The following CENATAC variants were observed in gnomAD, a reference collection of about 807,000 sequenced individuals.
CENATAC encodes the protein coiled-coil domain containing 84.
A neutral mutation model predicts 53.7 loss-of-function variants in CENATAC; 53 were observed. The ratio of observed to expected loss-of-function variants is 0.99; its 90% confidence interval spans 0.79 to 1.24. The LOEUF (loss-of-function observed/expected upper bound fraction) is 1.24. CENATAC is among the 50% of genes most tolerant of loss of function. The probability of loss-of-function intolerance (pLI) is 0.00; values close to 1 mark genes in which losing one functional copy is unlikely to be tolerated. For missense variants in CENATAC, 474 were observed against 417.8 expected (o/e 1.13, Z -1.17); for synonymous variants, 156 against 144.6 (o/e 1.08, Z -0.57).
At position 119,003,104 on chromosome 11, in the gene CENATAC, T is replaced by C. The variant is rs1942394505; in HGVS notation, c.383+3995T>C. ...TTCTCTCCATCAGGCCGAATCAGGG[T>C]GTTGACCTTGGCCACATCAGTGTCA... is the stretch of plus-strand genomic sequence containing the variant. On this transcript the variant is annotated intron_variant, in intron 3 of 10. Coordinates refer to ENST00000334418, the MANE Select transcript of CENATAC (RefSeq NM_198489.3). 4 of 529,436 alleles carry C rather than the reference T, an allele frequency of 7.6e-6. No individual in the cohort carries two copies. In the Admixed American group the frequency reaches 7.7e-5, roughly 10 times the overall value. The allele number at this position is 529,436 out of a possible 1,614,324, so 32.8% of individuals were successfully genotyped here.
In CENATAC at chr11:119,015,433, AGTCCAGGTAT is replaced by A; in HGVS notation, c.935_938+6del. ...GTCTGGAATAATGGACGCCGCTGGCAGTCCAGGTATGTGTGTTCAGTGCCGGGTCTCCAAC... is the reference window on the plus strand; with the variant it reads ...GTCTGGAATAATGGACGCCGCTGGCAGTGTGTTCAGTGCCGGGTCTCCAAC... On this transcript the variant is annotated splice_donor_variant and splice_donor_region_variant and coding_sequence_variant and intron_variant, in exon 10 of 11. Coordinates refer to ENST00000334418, the MANE Select transcript of CENATAC (RefSeq NM_198489.3). LOFTEE classifies it high-confidence loss of function. 1.9e-6 allele frequency: 3 copies of A among 1,614,052 alleles called. No homozygotes were observed. The highest frequency in any genetic ancestry group is 2.5e-6 in the Non-Finnish European group (3 of 1,179,918).
rs782628275 is a variant in CENATAC at position 119,015,442 on chromosome 11, A to G, written c.938+3A>G. On this transcript the variant is annotated splice_donor_region_variant and intron_variant, in intron 10 of 10. Coordinates refer to ENST00000334418, the MANE Select transcript of CENATAC (RefSeq NM_198489.3). The stretch of plus-strand genomic sequence containing the variant: ...AATGGACGCCGCTGGCAGTCCAGGT[A>G]TGTGTGTTCAGTGCCGGGTCTCCAA... 12 of 1,614,032 alleles carry G rather than the reference A, an allele frequency of 7.4e-6. No homozygotes were observed. Among genetic ancestry groups the G allele is most frequent in the Non-Finnish European group, 1.0e-5 (12 of 1,179,892 alleles).
At chr11:118,998,620 C>A (rs781787012) in intron 2 of CENATAC, 27 bp downstream of exon 2, 2 of 1,551,826 alleles carry the variant, frequency 1.3e-6, no homozygotes, top group Non-Finnish European at 1.7e-6. Flanking sequence ...GAGCCTGCTC[C>A]AGCACAGACG....
intron 3 of CENATAC, chr11:119,009,608 T>A (rs1440866052): frequency 6.6e-6 from 1 of 152,176 alleles, no homozygotes; most frequent in African/African-American, 2.4e-5. Context: ...TGGCAGACCT[T>A]CCACCCTCGT....
chr11:119,015,502 C>T (rs1943122283), intron 10 of CENATAC, 36 bp from the exon 11 acceptor site: 1 of 1,614,040 alleles, frequency 6.2e-7, no homozygotes, highest in Non-Finnish European at 8.5e-7. Flanking sequence ...GAGATGTCAC[C>T]CTTCATCATC....
At chr11:119,010,851 C>T in intron 4 of CENATAC, 21 bp downstream of exon 4, 1 of 1,611,038 alleles carries the variant, frequency 6.2e-7, no homozygotes, top group Non-Finnish European at 8.5e-7. Context: ...GTAGCAGTCC[C>T]TCACCCTTTT....
Position 119,011,164 on chromosome 11 carries a change from T to C in CENATAC, c.451-57T>C, listed in dbSNP as rs572000437. On this transcript the variant is annotated intron_variant, in intron 4 of 10. Transcript: ENST00000334418. ...GAGGGCCCAAGTTAAAGGAAAGGCCTCTGAAGAAACTGGCCCCCATGATCC... is the reference window on the plus strand; with the variant it reads ...GAGGGCCCAAGTTAAAGGAAAGGCCCCTGAAGAAACTGGCCCCCATGATCC... The C allele has an allele frequency of 2.7e-6, 4 of 1,500,130 alleles. No individual in the cohort carries two copies. In the South Asian group the frequency reaches 4.5e-5, roughly 17 times the overall value. The allele number at this position is 1,500,130 out of a possible 1,614,324, so 92.9% of individuals were successfully genotyped here.
chr11:119,009,695 T>TC (rs1942776426), intron 3 of CENATAC: 1 of 152,226 alleles, frequency 6.6e-6, no homozygotes, highest in Non-Finnish European at 1.5e-5. Context: ...CTTGGATATA[T>TC]TCAAGGCTCT....
intron 10 of CENATAC, 30 bp downstream of exon 10, chr11:119,015,469 C>T (rs373778854): frequency 6.2e-7 from 1 of 1,613,724 alleles, no homozygotes; most frequent in African/African-American, 1.3e-5. Flanking sequence ...GGTCTCCAAC[C>T]TACCCATCCA....
intron 3 of CENATAC, among the ~76,000 whole-genome samples, chr11:118,999,697 C>T (rs181798057): frequency 1.3e-5 from 2 of 152,266 alleles, no homozygotes; most frequent in African/African-American, 2.4e-5. Context: ...GGCTGGAGTG[C>T]AGTGGCGCGA....
At chr11:119,012,985 C>T in intron 7 of CENATAC, 1 of 423,322 alleles carries the variant, frequency 2.4e-6, no homozygotes, top group African/African-American at 2.1e-5. Context: ...GCTCCCCTGG[C>T]ATGTAATAGC....
intron 3 of CENATAC, among the ~76,000 whole-genome samples, chr11:119,007,950 C>T (rs1942684134): frequency 6.6e-6 from 1 of 152,216 alleles, no homozygotes; most frequent in South Asian, 2.1e-4. Context: ...GCCAGCTTCT[C>T]AGGTCCTTGT....
chr11:118,998,480 G>T lies in CENATAC; in HGVS notation c.171G>T (p.Val57=). ...GCGCCGCTCAGGTGGAGCGCTATGT[G>T]CCCGAACACGAGCGATGCTGCTGGT... The part of the protein sequence containing the change: ...AIRAAQVERY[V]PEHERCCWCL... Residue 57 remains valine (V), a synonymous_variant, in exon 2 of 11, where the codon GTG becomes GTT. Coordinates refer to ENST00000334418, the MANE Select transcript of CENATAC (RefSeq NM_198489.3). 3.1e-6 allele frequency: 5 copies of T among 1,613,368 alleles called. No homozygotes were observed. Among genetic ancestry groups the T allele is most frequent in the Non-Finnish European group, 3.4e-6 (4 of 1,179,844 alleles).
Position 119,015,585 on chromosome 11 carries a change from C to A in CENATAC, c.986C>A (p.Thr329Lys). 1 of 1,614,074 alleles carries A rather than the reference C, an allele frequency of 6.2e-7. No homozygotes were observed. The highest frequency in any genetic ancestry group is 8.5e-7 in the Non-Finnish European group (1 of 1,180,022). ...EAAAMKKQSH[T>K]EKS is the part of the protein sequence containing the mutation. ...GCAGCAATGAAGAAGCAGTCACATA[C>A]AGAAAAAAGCTAATCATGCTCTCTA... Residue 329 changes from threonine (T) to lysine (K), a missense_variant, in exon 11 of 11, where the codon ACA becomes AAA. Thr to Lys is a moderately conservative substitution (Grantham distance 78). Transcript: ENST00000334418.
chr11:119,002,245 A>AG (rs1170605661), intron 3 of CENATAC, among the ~76,000 whole-genome samples: 6 of 150,220 alleles, frequency 4.0e-5, no homozygotes, highest in African/African-American at 9.9e-5. Flanking sequence ...AAAAAAAAAA[A>AG]AAAGAAACTG....
chr11:119,008,204 A>G (rs1295888115), intron 3 of CENATAC, among the ~76,000 whole-genome samples: 2 of 152,192 alleles, frequency 1.3e-5, no homozygotes, highest in Non-Finnish European at 2.9e-5. Flanking sequence ...TAAAGAAACA[A>G]CGGTGGGTCC....
rs370905829 is a variant in CENATAC, at chr11:119,015,081, A to T, written c.803A>T (p.Glu268Val). Residue 268 changes from glutamate (E) to valine (V), a missense_variant and splice_region_variant, in exon 9 of 11, where the codon GAA becomes GTA. Coordinates refer to ENST00000334418, the MANE Select transcript of CENATAC (RefSeq NM_198489.3). Reference sequence around the variant, plus strand: ...CCATCCTATGAAGAATTTCTTAAAGAAAGTAAGTAAACTAATTCAAGAGAG... The same window carrying T: ...CCATCCTATGAAGAATTTCTTAAAGTAAGTAAGTAAACTAATTCAAGAGAG... Reference protein sequence around the residue: ...IGPSYEEFLKEKEKQKLKKLP... With the variant: ...IGPSYEEFLKVKEKQKLKKLP... The T allele has an allele frequency of 1.1e-5, 18 of 1,601,362 alleles. No individual in the cohort carries two copies. The East Asian group carries it at 1.8e-4, about 16-fold the overall frequency.
rs74744832 is a variant in CENATAC at position 119,015,111 on chromosome 11, G to A, written c.805+28G>A. 3.8e-3 allele frequency: 5,868 copies of A among 1,559,026 alleles called. 177 individuals are homozygous for A. The African/African-American group carries it at 0.069, about 18-fold the overall frequency. ...AAGTAAACTAATTCAAGAGAGGATC[G>A]TCTAAATCTTCACACTCAAAAATGG... On this transcript the variant is annotated intron_variant, in intron 9 of 10. Coordinates refer to ENST00000334418, the MANE Select transcript of CENATAC (RefSeq NM_198489.3).
intron 3 of CENATAC, among the ~76,000 whole-genome samples, chr11:118,999,679 G>T (rs963216152): frequency 6.6e-6 from 1 of 151,268 alleles, no homozygotes; most frequent in African/African-American, 2.4e-5. Flanking sequence ...TTTTCGCTCT[G>T]TTGCCCAGGC....
Sources: allele counts gnomAD v4.1 joint callset (sites outside exome capture counted in the v4.1 genomes callset), GRCh38; gene constraint gnomAD v4.1.1; transcripts MANE v1.5; gene names NCBI Gene and HGNC (gene_info 2026-07-23, HGNC 2026-07-21).